CSMD1: variants seen among roughly 807,000 people sequenced by gnomAD.
CSMD1 encodes CUB and sushi domain-containing protein 1.
In CSMD1, 213 loss-of-function variants were observed where a neutral mutation model predicts 417.5. The observed-to-expected ratio is 0.51, with a 90% CI of 0.46 to 0.57. CSMD1 has a LOEUF of 0.57. CSMD1 is among the 20% of genes least tolerant of loss of function. The probability of loss-of-function intolerance (pLI) is 0.00; values close to 1 mark genes in which losing one functional copy is unlikely to be tolerated. For missense variants in CSMD1, 6,923 were observed against 4,529.7 expected, an observed-to-expected ratio of 1.53 and a Z score of -15.17; for synonymous variants, 2,862 against 1,736.8, an observed-to-expected ratio of 1.65 and a Z score of -16.11.
chr8:3,603,586 G>A (rs188167851), intron 8 of CSMD1, among the ~76,000 whole-genome samples: 25 of 152,210 alleles, frequency 1.6e-4, no homozygotes, highest in Non-Finnish European at 3.2e-4. Context: ...ATAAAAGACA[G>A]TTCTTTGTCT....
chr8:4,708,507 C>G (rs1808091566), intron 1 of CSMD1, among the ~76,000 whole-genome samples: 2 of 152,140 alleles, frequency 1.3e-5, no homozygotes, highest in South Asian at 2.1e-4. Flanking sequence ...ATAACTCAAT[C>G]TGTAGTAATT....
chr8:4,363,661 T>C (rs1330592317), intron 3 of CSMD1, among the ~76,000 whole-genome samples: 2 of 152,162 alleles, frequency 1.3e-5, no homozygotes, highest in Non-Finnish European at 2.9e-5. Flanking sequence ...CAGGCAGCCT[T>C]TAAAAAGCAT....
At chr8:4,954,281 A>T (rs918769032) in intron 1 of CSMD1, among the ~76,000 whole-genome samples, 15 of 152,226 alleles carry the variant, frequency 9.9e-5, no homozygotes, top group African/African-American at 3.6e-4. Flanking sequence ...GATAAGTGTT[A>T]CAACAGAGGT....
rs909489426 is a variant in CSMD1 at position 4,210,543 on chromosome 8, T to C, written c.416-178444A>G. 1.3e-5 allele frequency among the ~76,000 whole-genome samples: 2 copies of C among 152,148 alleles called. 1 individual carries two copies. The highest frequency in any genetic ancestry group is 4.8e-5 in the African/African-American group (2 of 41,436). ...GTGAAATTGGTTCATCTTTGACTTT[T>C]AAGAAAGCACAAATAGGAAACACAA... On this transcript the variant is annotated intron_variant, in intron 3 of 69. Coordinates refer to ENST00000635120, the MANE Select transcript of CSMD1 (RefSeq NM_033225.6).
chr8:4,108,502 A>G (rs868652788), intron 3 of CSMD1, among the ~76,000 whole-genome samples: 4 of 152,178 alleles, frequency 2.6e-5, no homozygotes, highest in Non-Finnish European at 5.9e-5. Flanking sequence ...GCTCTTATAA[A>G]TGCAGTTTTA....
intron 7 of CSMD1, among the ~76,000 whole-genome samples, chr8:3,693,942 G>A (rs556693352): frequency 4.0e-5 from 6 of 151,122 alleles, no homozygotes; most frequent in Admixed American, 2.0e-4. Flanking sequence ...TGTGTGCGTC[G>A]TGTGTTGGAT....
rs184202306 is a variant in CSMD1, at chr8:4,893,376, T to A, written c.85+100956A>T. ...ACTTTTTTAACTTTGTTTACCATGC[T>A]TTTATTAATACAGAATTTTTTTTCT... On this transcript the variant is annotated intron_variant, in intron 1 of 69. Coordinates refer to ENST00000635120, the MANE Select transcript of CSMD1 (RefSeq NM_033225.6). Among the ~76,000 whole-genome samples, 360 of 152,224 alleles carry A rather than the reference T, an allele frequency of 2.4e-3. 5 individuals are homozygous for A. The highest frequency in any genetic ancestry group is 5.7e-3 in the African/African-American group (238 of 41,500).
At chr8:3,962,929 C>G (rs139848769) in intron 5 of CSMD1, among the ~76,000 whole-genome samples, 1 of 152,054 alleles carries the variant, frequency 6.6e-6, no homozygotes, top group Non-Finnish European at 1.5e-5. Flanking sequence ...AAACTTTTCA[C>G]TCAGTTTTTG....
At chr8:4,676,907 G>A (rs978495234) in intron 1 of CSMD1, among the ~76,000 whole-genome samples, 6 of 147,884 alleles carry the variant, frequency 4.1e-5, no homozygotes, top group African/African-American at 1.5e-4. Context: ...AGATATACAG[G>A]AATTTTATAT....
chr8:4,229,764 T>C (rs943204351), intron 3 of CSMD1, among the ~76,000 whole-genome samples: 4 of 152,136 alleles, frequency 2.6e-5, no homozygotes, highest in African/African-American at 9.7e-5. Context: ...CATATCACAA[T>C]GCGACCCACT....
At chr8:4,455,051 A>G (rs1799384763) in intron 2 of CSMD1, among the ~76,000 whole-genome samples, 2 of 152,070 alleles carry the variant, frequency 1.3e-5, no homozygotes, top group Admixed American at 1.3e-4. Flanking sequence ...CAATATCACC[A>G]TGTTTAGGCT....
chr8:3,890,682 A>G (rs1455128081), intron 5 of CSMD1, among the ~76,000 whole-genome samples: 1 of 151,656 alleles, frequency 6.6e-6, no homozygotes, highest in Non-Finnish European at 1.5e-5. Flanking sequence ...ATTACTCCAA[A>G]TGAGTCCTGC....
intron 1 of CSMD1, among the ~76,000 whole-genome samples, chr8:4,940,095 T>A (rs1345971789): frequency 1.3e-5 from 2 of 152,152 alleles, no homozygotes; most frequent in African/African-American, 4.8e-5. Flanking sequence ...GCATGTGAAC[T>A]ACCGGGGGCT....
chr8:3,470,774 G>C (rs544791823), intron 11 of CSMD1, among the ~76,000 whole-genome samples: 1 of 152,230 alleles, frequency 6.6e-6, no homozygotes, highest in African/African-American at 2.4e-5. Flanking sequence ...TGAAATCACA[G>C]TGTTTAACAA....
intron 51 of CSMD1, among the ~76,000 whole-genome samples, chr8:3,023,980 T>C (rs1283492294): frequency 6.6e-6 from 1 of 152,146 alleles, no homozygotes; most frequent in Non-Finnish European, 1.5e-5. Flanking sequence ...GTATCTTCTA[T>C]GAAGAAGCTA....
intron 3 of CSMD1, among the ~76,000 whole-genome samples, chr8:4,081,050 A>C (rs1800103833): frequency 1.3e-5 from 2 of 152,156 alleles, no homozygotes; most frequent in Non-Finnish European, 2.9e-5. Flanking sequence ...CACAAAGTTC[A>C]TCCCCTTGGG....
At chr8:4,003,617 T>C (rs1333719833) in intron 4 of CSMD1, among the ~76,000 whole-genome samples, 1 of 152,166 alleles carries the variant, frequency 6.6e-6, no homozygotes, top group Non-Finnish European at 1.5e-5. Flanking sequence ...CCTTCTAATA[T>C]ACATTAAAAA....
chr8:2,962,375 C>A (rs1295874682), intron 61 of CSMD1, 91 bp downstream of exon 61: 1 of 1,165,446 alleles, frequency 8.6e-7, no homozygotes, highest in Non-Finnish European at 1.2e-6. Context: ...GAAACACTTT[C>A]TATGTAATCA....
At chr8:3,847,490 G>A (rs1026559434) in intron 5 of CSMD1, among the ~76,000 whole-genome samples, 28 of 152,012 alleles carry the variant, frequency 1.8e-4, no homozygotes, top group East Asian at 3.9e-4. Flanking sequence ...GCTGAGTTCC[G>A]CCAACATCAA....
Sources: gnomAD v4.1 joint callset for allele counts (sites outside exome capture counted in the v4.1 genomes callset) on GRCh38, gnomAD v4.1.1 for gene constraint, MANE v1.5 for transcripts, NCBI Gene and HGNC (gene_info 2026-07-23, HGNC 2026-07-21) for gene names.